Variants in INSL6 observed in about 807,000 individuals in gnomAD.
INSL6 encodes insulin like 6.
INSL6 carries 16 observed loss-of-function variants against 9.4 expected under a neutral mutation model. That is an observed-to-expected ratio of 1.70 (90% CI 1.15 to 2.59). The LOEUF (loss-of-function observed/expected upper bound fraction) is 2.59. Among genes scored for constraint, INSL6 ranks in the 30% most tolerant of loss-of-function variants. INSL6 has a pLI of 0.00. For synonymous variants in INSL6, 154 were observed against 96.9 expected (o/e 1.59, Z -3.46); for missense variants, 391 against 257.3 (o/e 1.52, Z -3.56).
the INSL6 span, among the ~76,000 whole-genome samples, chr9:5,056,081 C>G: frequency 6.6e-6 from 1 of 151,934 alleles, no homozygotes; most frequent in African/African-American, 2.4e-5. Flanking sequence ...TATACTAGTT[C>G]TCTGATGTAA....
the INSL6 span, chr9:5,055,614 T>C: frequency 7.2e-6 from 10 of 1,389,086 alleles, no homozygotes; most frequent in Middle Eastern, 2.4e-4. Flanking sequence ...AGTCTTGTTT[T>C]AAAATGGCTC....
At chr9:5,064,534 A>G in the INSL6 span, among the ~76,000 whole-genome samples, 6 of 152,114 alleles carry the variant, frequency 3.9e-5, no homozygotes, top group South Asian at 1.2e-3. Context: ...TCAAAAAAAA[A>G]AAAAAAGAAA....
chr9:5,180,121 G>A (rs2130921450), intron 1 of INSL6, among the ~76,000 whole-genome samples: 1 of 152,326 alleles, frequency 6.6e-6, no homozygotes, highest in South Asian at 2.1e-4. Flanking sequence ...CATAAATTGT[G>A]AAGATTTCAT....
intron 1 of INSL6, among the ~76,000 whole-genome samples, chr9:5,165,466 C>G (rs548442375): frequency 6.6e-5 from 10 of 152,132 alleles, no homozygotes; most frequent in African/African-American, 1.2e-4. Flanking sequence ...TGATTATCAC[C>G]ATGGATGCAC....
chr9:5,114,251 C>A, the INSL6 span: 1 of 537,834 alleles, frequency 1.9e-6, no homozygotes. Context: ...CCACAATCAC[C>A]TGTCTGGTGG....
At chr9:5,167,627 G>C (rs553625048) in intron 1 of INSL6, among the ~76,000 whole-genome samples, 5 of 152,318 alleles carry the variant, frequency 3.3e-5, no homozygotes, top group African/African-American at 1.2e-4. Context: ...CCTGAGAAGA[G>C]GCTCTAGGAG....
chr9:5,000,628 C>T, the INSL6 span, among the ~76,000 whole-genome samples: 10 of 152,110 alleles, frequency 6.6e-5, no homozygotes, highest in Non-Finnish European at 1.2e-4. Flanking sequence ...TATGTTTCAT[C>T]ATGGCCAATT....
chr9:5,133,066 G>A (rs977744450), intron 3 of INSL6, among the ~76,000 whole-genome samples: 3 of 152,150 alleles, frequency 2.0e-5, no homozygotes, highest in Non-Finnish European at 4.4e-5. Flanking sequence ...CAGCAGAGGT[G>A]TTATGCCTCC....
At chr9:5,043,051 C>G in the INSL6 span, among the ~76,000 whole-genome samples, 3 of 152,194 alleles carry the variant, frequency 2.0e-5, no homozygotes, top group African/African-American at 7.2e-5. Flanking sequence ...GGCGCGCGGG[C>G]TCGTGGCTTC....
At chr9:5,051,021 C>T in the INSL6 span, among the ~76,000 whole-genome samples, 2 of 152,126 alleles carry the variant, frequency 1.3e-5, no homozygotes, top group Non-Finnish European at 2.9e-5. Context: ...TGGCATTGAA[C>T]TTACCAGTTG....
the INSL6 span, among the ~76,000 whole-genome samples, chr9:5,093,192 C>A: frequency 6.6e-6 from 1 of 152,102 alleles, no homozygotes; most frequent in Non-Finnish European, 1.5e-5. Context: ...CAATAAGCAT[C>A]CTATTATTTA....
chr9:5,081,871 C>G, the INSL6 span: 1 of 1,606,444 alleles, frequency 6.2e-7, no homozygotes. Flanking sequence ...GGTAAATTGT[C>G]AGAATTTTTT....
At chr9:5,126,499 C>A in intron 3 of INSL6, 1 of 1,248,782 alleles carries the variant, frequency 8.0e-7, no homozygotes, top group Non-Finnish European at 1.2e-6. Flanking sequence ...TTACTTTTTA[C>A]TCAAGGACTT....
the INSL6 span, among the ~76,000 whole-genome samples, chr9:5,030,501 A>G: frequency 6.6e-6 from 1 of 152,164 alleles, no homozygotes; most frequent in Admixed American, 6.5e-5. Context: ...TATATAATTC[A>G]TCATAACTTC....
the INSL6 span, among the ~76,000 whole-genome samples, chr9:5,032,385 G>C: frequency 1.3e-5 from 2 of 152,352 alleles, no homozygotes; most frequent in South Asian, 4.1e-4. Context: ...CTGTCTGACA[G>C]CTTTGAAGAG....
chr9:5,051,826 G>C, the INSL6 span, among the ~76,000 whole-genome samples: 1 of 152,016 alleles, frequency 6.6e-6, no homozygotes, highest in African/African-American at 2.4e-5. Flanking sequence ...AATTTGCAGA[G>C]TATCAATTTC....
the INSL6 span, among the ~76,000 whole-genome samples, chr9:5,036,074 T>C: frequency 6.6e-6 from 1 of 152,318 alleles, no homozygotes; most frequent in Admixed American, 6.5e-5. Flanking sequence ...ACAAGCGTTC[T>C]TACCCACCAA....
chr9:5,017,416 T>C, the INSL6 span, among the ~76,000 whole-genome samples: 47 of 152,340 alleles, frequency 3.1e-4, no homozygotes, highest in African/African-American at 1.1e-3. Flanking sequence ...AAATTAACTT[T>C]CTATCTTTTC....
chr9:5,045,442 C>T, the INSL6 span, among the ~76,000 whole-genome samples: 1 of 152,098 alleles, frequency 6.6e-6, no homozygotes, highest in African/African-American at 2.4e-5. Flanking sequence ...CCATTTTAAC[C>T]ATTTTAAGTG....
Sources: gnomAD v4.1 joint callset for allele counts (sites outside exome capture counted in the v4.1 genomes callset) on GRCh38, gnomAD v4.1.1 for gene constraint, MANE v1.5 for transcripts, NCBI Gene and HGNC (gene_info 2026-07-23, HGNC 2026-07-21) for gene names.